FRMD5: variants seen among roughly 807,000 people sequenced by gnomAD.
FRMD5 encodes FERM domain containing 5, also known as FERM domain-containing protein 5.
Under a neutral mutation model 69.0 loss-of-function variants are expected in FRMD5, and 20 were observed. The observed-to-expected ratio is 0.29, with a 90% CI of 0.20 to 0.42. The LOEUF (loss-of-function observed/expected upper bound fraction) is 0.42, where lower values mean the gene tolerates loss of function less well. FRMD5 is among the 10% of genes least tolerant of loss of function. The pLI, the probability that FRMD5 is intolerant of heterozygous loss-of-function variation, is 1.00. For synonymous variants in FRMD5, 271 were observed against 260.1 expected (o/e 1.04, Z -0.40); for missense variants, 595 against 708.6 (o/e 0.84, Z 1.82).
In FRMD5 at chr15:44,145,943, A is replaced by G. The variant is rs114752711; in HGVS notation, c.102+49010T>C. Among the ~76,000 whole-genome samples, 1,105 of 152,346 alleles carry G rather than the reference A, an allele frequency of 7.3e-3. 14 individuals are homozygous for G. Among genetic ancestry groups the G allele is most frequent in the African/African-American group, 0.026 (1,062 of 41,578 alleles). On this transcript the variant is annotated intron_variant, in intron 1 of 13. Transcript: ENST00000417257. Reference sequence around the variant, plus strand: ...CAACTTAAACTTGTATGCTGTATTAACATGCAGAAATTTAATACATTACAT... The same window carrying G: ...CAACTTAAACTTGTATGCTGTATTAGCATGCAGAAATTTAATACATTACAT...
At chr15:43,979,915 A>C (rs906275555) in intron 1 of FRMD5, among the ~76,000 whole-genome samples, 2 of 152,238 alleles carry the variant, frequency 1.3e-5, no homozygotes, top group Non-Finnish European at 2.9e-5. Context: ...TGTGAAAATA[A>C]AGACTTGAAG....
chr15:44,005,119 G>A (rs1890378408), intron 1 of FRMD5, among the ~76,000 whole-genome samples: 1 of 152,204 alleles, frequency 6.6e-6, no homozygotes, highest in Admixed American at 6.5e-5. Context: ...TTTGAAGCTG[G>A]CAGAGGTTGG....
intron 1 of FRMD5, among the ~76,000 whole-genome samples, chr15:44,008,827 C>T (rs1164207044): frequency 1.3e-5 from 2 of 151,838 alleles, no homozygotes; most frequent in African/African-American, 4.8e-5. Flanking sequence ...AAGATCGACA[C>T]CATCCTGGCT....
intron 1 of FRMD5, among the ~76,000 whole-genome samples, chr15:44,143,403 A>C (rs2077302647): frequency 6.6e-6 from 1 of 152,056 alleles, no homozygotes; most frequent in Non-Finnish European, 1.5e-5. Flanking sequence ...GGGGACTAAG[A>C]AACCAGCTAT....
chr15:44,116,369 C>T (rs146001974), intron 1 of FRMD5, among the ~76,000 whole-genome samples: 2 of 152,068 alleles, frequency 1.3e-5, no homozygotes, highest in East Asian at 3.9e-4. Flanking sequence ...AAGTGATCCC[C>T]CTACCTCAGC....
chr15:43,897,409 C>T (rs1396382925), intron 7 of FRMD5, among the ~76,000 whole-genome samples: 1 of 149,574 alleles, frequency 6.7e-6, no homozygotes, highest in Admixed American at 6.8e-5. Context: ...ATCACTTGAA[C>T]CCGGGAGGCA....
At chr15:44,171,858 G>A (rs1468050788) in intron 1 of FRMD5, among the ~76,000 whole-genome samples, 2 of 152,166 alleles carry the variant, frequency 1.3e-5, no homozygotes, top group African/African-American at 4.8e-5. Context: ...CTGTCTCCCG[G>A]GTTCAAATGA....
At chr15:44,109,851 C>T in intron 1 of FRMD5, among the ~76,000 whole-genome samples, 1 of 152,182 alleles carries the variant, frequency 6.6e-6, no homozygotes, top group Non-Finnish European at 1.5e-5. Context: ...CTGATCATTA[C>T]TGTCTCAATA....
At chr15:44,058,778 T>C (rs1892973927) in intron 1 of FRMD5, among the ~76,000 whole-genome samples, 1 of 88,190 alleles carries the variant, frequency 1.1e-5, no homozygotes, top group Admixed American at 1.6e-4. Flanking sequence ...AGAGTGAGAC[T>C]CCGTCTCAAA....
chr15:44,023,572 A>T (rs1891305626), intron 1 of FRMD5, among the ~76,000 whole-genome samples: 2 of 152,178 alleles, frequency 1.3e-5, no homozygotes, highest in South Asian at 4.1e-4. Flanking sequence ...CTCTCAACTT[A>T]AACGTCTAGA....
chr15:43,892,498 A>G (rs2088815708), intron 7 of FRMD5, among the ~76,000 whole-genome samples: 1 of 152,270 alleles, frequency 6.6e-6, no homozygotes, highest in South Asian at 2.1e-4. Context: ...GAGATTTAAA[A>G]ATGCATGTCC....
At chr15:44,153,910 G>C (rs2077485626) in intron 1 of FRMD5, among the ~76,000 whole-genome samples, 1 of 152,162 alleles carries the variant, frequency 6.6e-6, no homozygotes, top group Admixed American at 6.5e-5. Flanking sequence ...AGAGGTTGCA[G>C]TAAGCCAAGA....
At chr15:44,135,305 G>A (rs984091095) in intron 1 of FRMD5, among the ~76,000 whole-genome samples, 1 of 152,140 alleles carries the variant, frequency 6.6e-6, no homozygotes, top group Non-Finnish European at 1.5e-5. Flanking sequence ...GAAACTAGGA[G>A]TCAAAACAAG....
At chr15:43,955,565 T>C (rs767408609) in intron 1 of FRMD5, among the ~76,000 whole-genome samples, 3 of 152,224 alleles carry the variant, frequency 2.0e-5, no homozygotes, top group Non-Finnish European at 2.9e-5. Flanking sequence ...GAGAAGTTGA[T>C]GAAAGCCAAC....
upstream of FRMD5, among the ~76,000 whole-genome samples, chr15:44,198,732 T>C (rs2078325153): frequency 6.6e-6 from 1 of 152,152 alleles, no homozygotes; most frequent in Non-Finnish European, 1.5e-5. Flanking sequence ...AACAGAAATA[T>C]TTTGTTTATC....
At chr15:44,068,808 C>A (rs554988916) in intron 1 of FRMD5, among the ~76,000 whole-genome samples, 2 of 152,182 alleles carry the variant, frequency 1.3e-5, no homozygotes, top group Middle Eastern at 6.8e-3. Context: ...TATTTTGTTC[C>A]AGATCTATTC....
intron 1 of FRMD5, among the ~76,000 whole-genome samples, chr15:44,168,025 C>T (rs1171295234): frequency 6.6e-6 from 1 of 152,218 alleles, no homozygotes; most frequent in African/African-American, 2.4e-5. Context: ...AAATGATCTT[C>T]AAATTAGGTA....
intron 1 of FRMD5, among the ~76,000 whole-genome samples, chr15:43,933,758 G>A (rs16948586): frequency 6.6e-6 from 1 of 152,162 alleles, no homozygotes; most frequent in Non-Finnish European, 1.5e-5. Flanking sequence ...ACAGTGGGCA[G>A]CTACCCAACT....
chr15:44,049,822 T>C (rs1411121176), intron 1 of FRMD5, among the ~76,000 whole-genome samples: 1 of 152,214 alleles, frequency 6.6e-6, no homozygotes, highest in Non-Finnish European at 1.5e-5. Context: ...AATTCCTCTA[T>C]GAAACCTTCC....
Sources: allele counts gnomAD v4.1 joint callset (sites outside exome capture counted in the v4.1 genomes callset), GRCh38; gene constraint gnomAD v4.1.1; transcripts MANE v1.5; gene names NCBI Gene and HGNC (gene_info 2026-07-23, HGNC 2026-07-21).